The following ADAMTS17 variants were observed in gnomAD, a reference collection of about 807,000 sequenced individuals.
The protein encoded by ADAMTS17 is A disintegrin and metalloproteinase with thrombospondin motifs 17.
In ADAMTS17, 113 loss-of-function variants were observed where a neutral mutation model predicts 141.5. The ratio of observed to expected loss-of-function variants is 0.80; its 90% confidence interval spans 0.69 to 0.93. The LOEUF (loss-of-function observed/expected upper bound fraction) is 0.93, where lower values mean the gene tolerates loss of function less well. Among genes scored for constraint, ADAMTS17 ranks in the 40% least tolerant of loss-of-function variants. The probability of loss-of-function intolerance (pLI) is 0.00; values close to 1 mark genes in which losing one functional copy is unlikely to be tolerated. For synonymous variants in ADAMTS17, 768 were observed against 630.6 expected (o/e 1.22, Z -3.27); for missense variants, 1,659 against 1,517.9 (o/e 1.09, Z -1.54).
At chr15:100,319,664 C>A (rs571923281) in intron 3 of ADAMTS17, among the ~76,000 whole-genome samples, 1 of 152,122 alleles carries the variant, frequency 6.6e-6, no homozygotes, top group African/African-American at 2.4e-5. Context: ...GAGTCAAGAC[C>A]GTACCACTGC....
At chr15:100,339,001 A>T in intron 2 of ADAMTS17, 2 of 985,502 alleles carry the variant, frequency 2.0e-6, no homozygotes, top group Non-Finnish European at 2.4e-6. Flanking sequence ...GTACGTACAG[A>T]GGGGGAAGTG....
At chr15:100,155,471 A>G in intron 8 of ADAMTS17, 151 bp from the exon 9 acceptor site, 1 of 1,103,330 alleles carries the variant, frequency 9.1e-7, no homozygotes, top group Non-Finnish European at 1.3e-6. Flanking sequence ...ACCCACAGTC[A>G]TGTGTTTTCA....
At chr15:100,277,217 G>C (rs1399834883) in intron 4 of ADAMTS17, among the ~76,000 whole-genome samples, 1 of 152,026 alleles carries the variant, frequency 6.6e-6, no homozygotes, top group East Asian at 1.9e-4. Flanking sequence ...GTTAGCCCCG[G>C]GTCTGCCCTC....
chr15:100,110,476 G>A (rs1177812707), intron 13 of ADAMTS17, among the ~76,000 whole-genome samples: 1 of 151,782 alleles, frequency 6.6e-6, no homozygotes, highest in Admixed American at 6.6e-5. Flanking sequence ...GTGTTAGCCA[G>A]GGTGGTCTCG....
At chr15:100,188,049 A>G (rs2141572981) in intron 8 of ADAMTS17, among the ~76,000 whole-genome samples, 1 of 151,898 alleles carries the variant, frequency 6.6e-6, no homozygotes, top group South Asian at 2.1e-4. Flanking sequence ...ACACCACTGC[A>G]TTCCAGCCTG....
In ADAMTS17 at chr15:99,971,640, ACT is replaced by A. The variant is rs898665324; in HGVS notation, c.*2760_*2761del. On this transcript the variant is annotated 3_prime_UTR_variant, in exon 22 of 22. Coordinates refer to ENST00000268070, the MANE Select transcript of ADAMTS17 (RefSeq NM_139057.4). The stretch of plus-strand genomic sequence containing the variant: ...AACGAATGGAAAATAGATACATTTG[ACT>A]CTGAAACGAAAAAAGGACAATCGTA... 3.6e-4 allele frequency: 55 copies of A among 152,234 alleles called. No homozygotes were observed. The highest frequency in any genetic ancestry group is 1.3e-3 in the African/African-American group (52 of 41,538). 9.4% of individuals were successfully genotyped at this position (152,234 alleles called of 1,614,324 possible).
intron 3 of ADAMTS17, among the ~76,000 whole-genome samples, chr15:100,297,349 GC>G (rs1379487113): frequency 6.6e-6 from 1 of 152,180 alleles, no homozygotes; most frequent in Non-Finnish European, 1.5e-5. Flanking sequence ...GCCACCTAGG[GC>G]TTGTGTTCTG....
chr15:100,053,607 T>A (rs1417876016), intron 16 of ADAMTS17, among the ~76,000 whole-genome samples: 3 of 152,206 alleles, frequency 2.0e-5, no homozygotes, highest in Non-Finnish European at 4.4e-5. Context: ...GCCATCCACG[T>A]GGCTAAGCAT....
intron 3 of ADAMTS17, among the ~76,000 whole-genome samples, chr15:100,319,688 C>T (rs978494472): frequency 3.3e-5 from 5 of 152,008 alleles, no homozygotes; most frequent in African/African-American, 1.2e-4. Flanking sequence ...CCAACCTGGG[C>T]GACAGAGAGA....
chr15:100,292,040 C>CGCTCAGCCCGTGGGGAGTCACGAGAGAT (rs2044641847), intron 3 of ADAMTS17, among the ~76,000 whole-genome samples: 1 of 149,648 alleles, frequency 6.7e-6, no homozygotes, highest in African/African-American at 2.5e-5. Context: ...TCACGAGAGA[C>CGCTCAGCCCGTGGGGAGTCACGAGAGAT]GCTCAGCCCG....
intron 7 of ADAMTS17, among the ~76,000 whole-genome samples, chr15:100,245,710 T>C (rs1376135001): frequency 6.6e-6 from 1 of 152,156 alleles, no homozygotes; most frequent in Non-Finnish European, 1.5e-5. Context: ...TGGGATCTTA[T>C]TTTGTTGTTC....
chr15:100,003,601 C>A (rs1193335862), intron 18 of ADAMTS17, among the ~76,000 whole-genome samples: 1 of 152,102 alleles, frequency 6.6e-6, no homozygotes, highest in African/African-American at 2.4e-5. Context: ...TTCACAGCAG[C>A]ATTATTCACA....
At chr15:100,161,592 T>C (rs1430853036) in intron 8 of ADAMTS17, among the ~76,000 whole-genome samples, 1 of 152,172 alleles carries the variant, frequency 6.6e-6, no homozygotes, top group Non-Finnish European at 1.5e-5. Flanking sequence ...TTCTAAGAAA[T>C]AGTGGGCAGA....
At chr15:100,048,156 T>C (rs925344357) in intron 18 of ADAMTS17, among the ~76,000 whole-genome samples, 1 of 152,108 alleles carries the variant, frequency 6.6e-6, no homozygotes, top group African/African-American at 2.4e-5. Context: ...AAAAGGTCAA[T>C]ATGCCTCAAA....
intron 15 of ADAMTS17, among the ~76,000 whole-genome samples, chr15:100,064,224 C>T (rs1224402669): frequency 6.6e-6 from 1 of 152,188 alleles, no homozygotes; most frequent in African/African-American, 2.4e-5. Flanking sequence ...ACGCCACAGA[C>T]TGCCAGCAAA....
At position 100,213,024 on chromosome 15, in the gene ADAMTS17, T is replaced by C. The variant is rs139584936; in HGVS notation, c.1076-13601A>G. On this transcript the variant is annotated intron_variant, in intron 7 of 21. Transcript: ENST00000268070. ...AAAGAAGAAAAACAGCTGAGGGATA[T>C]GCACATATCCGTAGTTTAACATATA... Among the ~76,000 whole-genome samples the C allele has an allele frequency of 7.9e-5, 12 of 152,242 alleles. No individual in the cohort carries two copies. The East Asian group carries it at 2.3e-3, about 29-fold the overall frequency.
chr15:100,197,099 G>A (rs2041148949), intron 8 of ADAMTS17, among the ~76,000 whole-genome samples: 1 of 152,210 alleles, frequency 6.6e-6, no homozygotes, highest in Non-Finnish European at 1.5e-5. Flanking sequence ...CTCCGCTGCA[G>A]GGAGGCCAGT....
chr15:100,103,314 A>C (rs1029954127), intron 14 of ADAMTS17, among the ~76,000 whole-genome samples: 19 of 152,212 alleles, frequency 1.2e-4, no homozygotes, highest in South Asian at 2.1e-4. Flanking sequence ...AGCATCGTGA[A>C]GATGCAAACC....
In ADAMTS17 at chr15:99,989,695, T is replaced by C. The variant is rs1280959243; in HGVS notation, c.2949+3353A>G. On this transcript the variant is annotated intron_variant, in intron 20 of 21. Transcript: ENST00000268070. ...ACCGTTTTCAAGCTAGGTCTGGATG[T>C]GCTTGGACAGAGAATTTCTCAGTGT... Among the ~76,000 whole-genome samples the C allele has an allele frequency of 3.3e-5, 5 of 152,216 alleles. No homozygotes were observed. In the East Asian group the frequency reaches 9.6e-4, roughly 29 times the overall value.
Sources: allele counts gnomAD v4.1 joint callset (sites outside exome capture counted in the v4.1 genomes callset), GRCh38; gene constraint gnomAD v4.1.1; transcripts MANE v1.5; gene names NCBI Gene and HGNC (gene_info 2026-07-23, HGNC 2026-07-21).